The following CSMD1 variants were observed in gnomAD, a reference collection of about 807,000 sequenced individuals.
CSMD1 encodes CUB and sushi domain-containing protein 1.
Under a neutral mutation model 417.5 loss-of-function variants are expected in CSMD1, and 213 were observed. The observed-to-expected ratio is 0.51, with a 90% CI of 0.46 to 0.57. The LOEUF (loss-of-function observed/expected upper bound fraction) is 0.57. Ranked by LOEUF, CSMD1 falls within the 20% of genes least tolerant of loss-of-function variation. The probability of loss-of-function intolerance (pLI) is 0.00; values close to 1 mark genes in which losing one functional copy is unlikely to be tolerated. For missense variants in CSMD1, 6,923 were observed against 4,529.7 expected, an observed-to-expected ratio of 1.53 and a Z score of -15.17; for synonymous variants, 2,862 against 1,736.8, an observed-to-expected ratio of 1.65 and a Z score of -16.11.
intron 3 of CSMD1, among the ~76,000 whole-genome samples, chr8:4,116,998 G>A (rs929258539): frequency 6.6e-6 from 1 of 151,984 alleles, no homozygotes; most frequent in African/African-American, 2.4e-5. Flanking sequence ...TCTTCAGTAA[G>A]ATGGCCTGAC....
At chr8:3,547,237 C>A (rs150621040) in intron 10 of CSMD1, among the ~76,000 whole-genome samples, 3 of 152,346 alleles carry the variant, frequency 2.0e-5, no homozygotes, top group South Asian at 2.1e-4. Flanking sequence ...AGTGAGCAAG[C>A]CTCTTCTTGT....
intron 3 of CSMD1, among the ~76,000 whole-genome samples, chr8:4,064,548 G>A (rs1038994164): frequency 2.6e-5 from 4 of 152,142 alleles, no homozygotes; most frequent in Non-Finnish European, 5.9e-5. Context: ...GGGGTGCATC[G>A]ATGTCAACAC....
Position 2,983,160 on chromosome 8 carries a change from G to A in CSMD1, c.8378-4360C>T, listed in dbSNP as rs148164593. Among the ~76,000 whole-genome samples the A allele has an allele frequency of 6.3e-3, 955 of 152,120 alleles. 11 individuals carry two copies. The highest frequency in any genetic ancestry group is 0.014 in the Middle Eastern group (4 of 294). ...TTATAATCAGTTCTTATATTAAACA[G>A]AATCTATATCTGATATATATATACA... On this transcript the variant is annotated intron_variant, in intron 54 of 69. Transcript: ENST00000635120.
At chr8:3,350,598 C>T (rs1563299600) in intron 21 of CSMD1, among the ~76,000 whole-genome samples, 1 of 152,018 alleles carries the variant, frequency 6.6e-6, no homozygotes, top group Non-Finnish European at 1.5e-5. Context: ...ACTGGAGTAA[C>T]ACAAGTTTAA....
At chr8:3,892,667 G>T (rs1807059387) in intron 5 of CSMD1, among the ~76,000 whole-genome samples, 1 of 151,144 alleles carries the variant, frequency 6.6e-6, no homozygotes, top group South Asian at 2.1e-4. Flanking sequence ...TTTGGAGACT[G>T]GGTTCAAGGT....
chr8:4,549,534 A>G (rs1157727920), intron 2 of CSMD1, among the ~76,000 whole-genome samples: 4 of 152,060 alleles, frequency 2.6e-5, no homozygotes, highest in Non-Finnish European at 1.5e-5. Context: ...CTCCCTACCC[A>G]AGAAAGACAG....
chr8:4,690,564 G>C (rs1048791665), intron 1 of CSMD1, among the ~76,000 whole-genome samples: 1 of 152,126 alleles, frequency 6.6e-6, no homozygotes, highest in African/African-American at 2.4e-5. Context: ...TCAGAAAAAG[G>C]ATGAATTCTA....
At chr8:4,272,263 G>A (rs915437032) in intron 3 of CSMD1, among the ~76,000 whole-genome samples, 1 of 152,116 alleles carries the variant, frequency 6.6e-6, no homozygotes, top group African/African-American at 2.4e-5. Flanking sequence ...TCGAATCTGG[G>A]ACTTTAAGAA....
At chr8:4,854,883 C>T (rs1311120795) in intron 1 of CSMD1, among the ~76,000 whole-genome samples, 2 of 152,176 alleles carry the variant, frequency 1.3e-5, no homozygotes, top group African/African-American at 4.8e-5. Context: ...ACAAAGCAGC[C>T]AGGAAGCTCG....
chr8:3,267,420 G>T (rs1424427083), intron 26 of CSMD1, among the ~76,000 whole-genome samples: 1 of 152,216 alleles, frequency 6.6e-6, no homozygotes, highest in Non-Finnish European at 1.5e-5. Context: ...AACAATAGAT[G>T]ATGGCAGTTG....
chr8:3,842,089 G>T (rs1803174275), intron 5 of CSMD1, among the ~76,000 whole-genome samples: 1 of 152,096 alleles, frequency 6.6e-6, no homozygotes, highest in Admixed American at 6.5e-5. Context: ...AAATGTAACT[G>T]GAAAACACAC....
At chr8:4,197,168 G>A (rs1020418097) in intron 3 of CSMD1, among the ~76,000 whole-genome samples, 10 of 152,090 alleles carry the variant, frequency 6.6e-5, no homozygotes, top group African/African-American at 2.2e-4. Context: ...TTCTCCTACG[G>A]TCAAAAAATG....
intron 26 of CSMD1, among the ~76,000 whole-genome samples, chr8:3,243,571 T>A (rs76062307): frequency 6.6e-6 from 1 of 151,972 alleles, no homozygotes; most frequent in East Asian, 1.9e-4. Flanking sequence ...CAAGATAATG[T>A]CATCAGTTAA....
At chr8:3,678,331 G>A (rs7016549) in intron 7 of CSMD1, among the ~76,000 whole-genome samples, 70,331 of 152,008 alleles carry the variant, frequency 0.46, 17,018 homozygotes, top group African/African-American at 0.59. Flanking sequence ...CCAATGCAGA[G>A]AAGTCTTTAA....
intron 1 of CSMD1, among the ~76,000 whole-genome samples, chr8:4,689,260 C>G (rs1307735782): frequency 6.6e-6 from 1 of 152,132 alleles, no homozygotes; most frequent in South Asian, 2.1e-4. Context: ...AGTATGGAAA[C>G]AAAGTTCACC....
intron 2 of CSMD1, among the ~76,000 whole-genome samples, chr8:4,477,173 C>T (rs1008977152): frequency 7.2e-5 from 11 of 152,218 alleles, no homozygotes. Context: ...ATCCCACTGT[C>T]TTCCTGCGCA....
At chr8:3,056,094 G>T (rs964704451) in intron 49 of CSMD1, among the ~76,000 whole-genome samples, 5 of 152,106 alleles carry the variant, frequency 3.3e-5, no homozygotes, top group Non-Finnish European at 5.9e-5. Context: ...TTATTTATTT[G>T]CAAATAAAAA....
At chr8:3,003,464 C>T (rs1807591229) in intron 52 of CSMD1, among the ~76,000 whole-genome samples, 1 of 152,196 alleles carries the variant, frequency 6.6e-6, no homozygotes, top group Non-Finnish European at 1.5e-5. Flanking sequence ...ATATCAGTCA[C>T]ACACTGAGTA....
At chr8:4,254,434 G>C (rs1323758972) in intron 3 of CSMD1, among the ~76,000 whole-genome samples, 4 of 152,116 alleles carry the variant, frequency 2.6e-5, no homozygotes, top group African/African-American at 4.8e-5. Flanking sequence ...GATTATAGTG[G>C]AGCTGAACAA....
Sources: gnomAD v4.1 joint callset for allele counts (sites outside exome capture counted in the v4.1 genomes callset) on GRCh38, gnomAD v4.1.1 for gene constraint, MANE v1.5 for transcripts, NCBI Gene and HGNC (gene_info 2026-07-23, HGNC 2026-07-21) for gene names.